Variants in UPF1 observed in about 807,000 individuals in gnomAD.
The protein encoded by UPF1 is UPF1 RNA helicase and ATPase, also known as regulator of nonsense transcripts 1.
A neutral mutation model predicts 129.2 loss-of-function variants in UPF1; 9 were observed. The observed-to-expected ratio is 0.07, with a 90% confidence interval of 0.04 to 0.12. The LOEUF (loss-of-function observed/expected upper bound fraction) is 0.12. Ranked by LOEUF, UPF1 falls within the 10% of genes least tolerant of loss-of-function variation. UPF1 has a pLI of 1.00. For synonymous variants in UPF1, 649 were observed against 644.9 expected (o/e 1.01, Z -0.10); for missense variants, 788 against 1,525.3 (o/e 0.52, Z 8.05).
chr19:18,850,120 C>A lies in UPF1; in HGVS notation c.507C>A (p.Thr169=), dbSNP rs2055642237. The A allele has an allele frequency of 6.2e-7, 1 of 1,614,096 alleles. No individual in the cohort carries two copies. The highest frequency in any genetic ancestry group is 1.3e-5 in the African/African-American group (1 of 74,928). ...TGAGGGCAAAATGCAAAGAGGTGAC[C>A]CTGCACAAGGACGGGCCCCTGGGGG... The part of the protein sequence containing the change: ...HLVRAKCKEV[T]LHKDGPLGET... Residue 169 remains threonine (T), a synonymous_variant, in exon 4 of 24, where the codon ACC becomes ACA. Transcript: ENST00000262803. This position sits in a 1 kb window ranked among gnomAD's most constrained non-coding sequence, Gnocchi z 7.1.
rs909268897 is a variant in UPF1, at chr19:18,831,997, G to C, written c.-213G>C. The C allele has an allele frequency of 6.3e-6, 2 of 318,198 alleles. No individual in the cohort carries two copies. The highest frequency in any genetic ancestry group is 2.2e-5 in the African/African-American group (1 of 45,440). The allele number at this position is 318,198 out of a possible 1,614,324, so 19.7% of individuals were successfully genotyped here. On this transcript the variant is annotated 5_prime_UTR_variant, in exon 1 of 24. Coordinates refer to ENST00000262803, the MANE Select transcript of UPF1 (RefSeq NM_002911.4). Reference sequence around the variant, plus strand: ...GGCTGCGAGCGGCTGGCGGCTTCGAGGGGAGCTGAGGCGCGGAGGGGCTCG... The same window carrying C: ...GGCTGCGAGCGGCTGGCGGCTTCGACGGGAGCTGAGGCGCGGAGGGGCTCG...
Position 18,854,639 on chromosome 19 carries a change from G to C in UPF1, c.1195G>C (p.Val399Leu). The change falls in exon 9 of 24, where the codon GTG (valine) becomes CTG (leucine). Residue 399 changes from valine (V) to leucine (L), a missense_variant. Around this residue, in one of 6 missense-constraint regions of UPF1, gnomAD observed 227 missense variants for 517.9 expected, o/e 0.44. Coordinates refer to ENST00000262803, the MANE Select transcript of UPF1 (RefSeq NM_002911.4). ...GATCGCCATTGAGCTGCGGAGCAGC[G>C]TGGGTGCACCTGTGGAGGTGACTCA... The part of the protein sequence containing the change: ...DEIAIELRSS[V>L]GAPVEVTHNF... 6.2e-7 allele frequency: 1 copy of C among 1,614,108 alleles called. No individual in the cohort carries two copies. Among genetic ancestry groups the C allele is most frequent in the Non-Finnish European group, 8.5e-7 (1 of 1,179,974 alleles).
Position 18,855,198 on chromosome 19 carries a change from G to C in UPF1, c.1500G>C (p.Val500=), listed in dbSNP as rs1411109952. ...GCCCGCCAGGCACGGGGAAGACGGT[G>C]ACGTCGGCCACCATCGTCTACCACC... The part of the protein sequence containing the change: ...IQGPPGTGKT[V]TSATIVYHLA... The change falls in exon 11 of 24, where the codon GTG becomes GTC. Residue 500 remains valine (V), a synonymous_variant. Transcript: ENST00000262803. 6.2e-7 allele frequency: 1 copy of C among 1,613,278 alleles called. No individual in the cohort carries two copies. Among genetic ancestry groups the C allele is most frequent in the Non-Finnish European group, 8.5e-7 (1 of 1,180,000 alleles).
rs2055838374 is a variant in UPF1 at position 18,865,897 on chromosome 19, G to A, written c.3237+119G>A. 3.8e-6 allele frequency: 6 copies of A among 1,572,980 alleles called. No individual in the cohort carries two copies. The highest frequency in any genetic ancestry group is 3.4e-5 in the South Asian group (3 of 88,506). On this transcript the variant is annotated intron_variant, in intron 22 of 23. Coordinates refer to ENST00000262803, the MANE Select transcript of UPF1 (RefSeq NM_002911.4). This position sits in a 1 kb window ranked among gnomAD's most constrained non-coding sequence, Gnocchi z 6.1. ...CCCATGTCCACTGTCTGAATTACCT[G>A]TCCCTGGGCTGGGGTCATCAGAGTG...
chr19:18,861,759 T>G (rs931085743), intron 17 of UPF1, among the ~76,000 whole-genome samples: 1 of 151,902 alleles, frequency 6.6e-6, no homozygotes, highest in East Asian at 1.9e-4. Flanking sequence ...GCCTGGGAGG[T>G]CAAGGCTGCA....
chr19:18,837,893 A>G (rs1161142889), intron 1 of UPF1, among the ~76,000 whole-genome samples: 1 of 152,230 alleles, frequency 6.6e-6, no homozygotes, highest in Non-Finnish European at 1.5e-5. Flanking sequence ...CGTAAGGGAC[A>G]ACTAGCTAAA....
chr19:18,852,364 A>G, intron 6 of UPF1, 68 bp downstream of exon 6: 7 of 1,578,240 alleles, frequency 4.4e-6, no homozygotes, highest in East Asian at 2.3e-5. Context: ...TCAGGCTTCC[A>G]GAGGGAGGTT....
intron 1 of UPF1, among the ~76,000 whole-genome samples, chr19:18,842,939 A>G (rs182977695): frequency 1.6e-3 from 242 of 152,034 alleles, no homozygotes; most frequent in African/African-American, 5.6e-3. Context: ...GTGAGCCGAG[A>G]TCGCGCCATT....
intron 13 of UPF1, 40 bp from the exon 14 acceptor site, chr19:18,856,837 T>C: frequency 6.3e-7 from 1 of 1,578,052 alleles, no homozygotes. Context: ...TGGTGGCGTT[T>C]ACAGTGCAGG....
chr19:18,856,418 C>T, intron 13 of UPF1, 118 bp downstream of exon 13: 3 of 970,782 alleles, frequency 3.1e-6, no homozygotes, highest in East Asian at 5.3e-5. Context: ...CTTAGATGCT[C>T]TCTACTTGGC....
chr19:18,866,833 C>G lies in UPF1; in HGVS notation c.*316C>G, dbSNP rs1463280857. ...GGAAGACCCTCATCTCAGAGTAGCCCTTTCCTCTGTTCTTTTATTTCTTTT... is the reference window on the plus strand; with the variant it reads ...GGAAGACCCTCATCTCAGAGTAGCCGTTTCCTCTGTTCTTTTATTTCTTTT... On this transcript the variant is annotated 3_prime_UTR_variant, in exon 24 of 24. Coordinates refer to ENST00000262803, the MANE Select transcript of UPF1 (RefSeq NM_002911.4). 1 of 152,610 alleles carries G rather than the reference C, an allele frequency of 6.6e-6. No individual in the cohort carries two copies. Among genetic ancestry groups the G allele is most frequent in the African/African-American group, 2.4e-5 (1 of 41,476 alleles). The allele number at this position is 152,610 out of a possible 1,614,324, so 9.5% of individuals were successfully genotyped here.
chr19:18,852,649 T>G (rs113566862), intron 6 of UPF1, among the ~76,000 whole-genome samples: 1,631 of 47,946 alleles, frequency 0.034, 28 homozygotes, highest in African/African-American at 0.1. Context: ...CTCCCTCCCC[T>G]CCTCTTTCTG....
At chr19:18,864,733 GTTTTT>G (rs10682791) in intron 20 of UPF1, among the ~76,000 whole-genome samples, 7 of 73,568 alleles carry the variant, frequency 9.5e-5, no homozygotes, top group Admixed American at 4.0e-4. Flanking sequence ...ATTTGCAGGT[GTTTTT>G]TTTTTTTTTT....
chr19:18,852,994 A>G lies in UPF1; in HGVS notation c.980A>G (p.Asp327Gly), dbSNP rs751798240. 8 of 1,613,932 alleles carry G rather than the reference A, an allele frequency of 5.0e-6. No homozygotes were observed. The highest frequency in any genetic ancestry group is 6.8e-6 in the Non-Finnish European group (8 of 1,179,910). The change falls in exon 7 of 24, where the codon GAT (aspartate) becomes GGT (glycine). Residue 327 changes from aspartate (D) to glycine (G), a missense_variant. By Grantham distance (94) the Asp-to-Gly change is moderately conservative. Transcript: ENST00000262803. The part of the protein sequence containing the change: ...DKKLKESQTQ[D>G]NITVRWDLGL... ...TGTTTTTCATGTGCTCAGACTCAAGATAACATCACTGTCAGGTGGGACCTG... is the reference window on the plus strand; with the variant it reads ...TGTTTTTCATGTGCTCAGACTCAAGGTAACATCACTGTCAGGTGGGACCTG...
chr19:18,865,068 A>G lies in UPF1; in HGVS notation c.2858-221A>G, dbSNP rs558995593. Among the ~76,000 whole-genome samples the G allele has an allele frequency of 3.6e-4, 55 of 152,324 alleles. 1 individual carries two copies. The South Asian group carries it at 0.011, about 29-fold the overall frequency. On this transcript the variant is annotated intron_variant, in intron 20 of 23. Coordinates refer to ENST00000262803, the MANE Select transcript of UPF1 (RefSeq NM_002911.4). This position sits in a 1 kb window ranked among gnomAD's most constrained non-coding sequence, Gnocchi z 6.1. ...CAGTTTTTAAGATCTGTGTAGGCCA[A>G]TGATTCCCAGCAGACTCTCCTCGGG... is the stretch of plus-strand genomic sequence containing the variant.
chr19:18,852,935 G>A, intron 6 of UPF1, 52 bp from the exon 7 acceptor site: 1 of 1,513,006 alleles, frequency 6.6e-7, no homozygotes, highest in Non-Finnish European at 9.1e-7. Context: ...TGGAGGCCAG[G>A]CCCGGGCCTG....
chr19:18,841,993 G>A lies in UPF1; in HGVS notation c.232-3987G>A, dbSNP rs114269772. Among the ~76,000 whole-genome samples the A allele has an allele frequency of 4.1e-3, 627 of 152,270 alleles. 7 individuals carry two copies. Among genetic ancestry groups the A allele is most frequent in the African/African-American group, 0.014 (598 of 41,548 alleles). On this transcript the variant is annotated intron_variant, in intron 1 of 23. Coordinates refer to ENST00000262803, the MANE Select transcript of UPF1 (RefSeq NM_002911.4). The stretch of plus-strand genomic sequence containing the variant: ...ACCTGTAGTCTCAGCTACTTGGGAC[G>A]CTGAGGCAAGAGGATCTCTTTTAAG...
At chr19:18,861,960 A>T (rs749667763) in intron 17 of UPF1, 50 bp from the exon 18 acceptor site, 8 of 1,602,132 alleles carry the variant, frequency 5.0e-6, no homozygotes, top group Non-Finnish European at 6.0e-6. Flanking sequence ...TTTTGGGGGG[A>T]CTGGGAAGGC....
At position 18,855,195 on chromosome 19, in the gene UPF1, G is replaced by T. The variant is rs1212862693; in HGVS notation, c.1497G>T (p.Thr499=). 1 of 1,613,204 alleles carries T rather than the reference G, an allele frequency of 6.2e-7. No homozygotes were observed. The highest frequency in any genetic ancestry group is 8.5e-7 in the Non-Finnish European group (1 of 1,179,972). ...AGGGCCCGCCAGGCACGGGGAAGAC[G>T]GTGACGTCGGCCACCATCGTCTACC... is the stretch of plus-strand genomic sequence containing the variant. The part of the protein sequence containing the change: ...LIQGPPGTGK[T]VTSATIVYHL... Residue 499 remains threonine (T), a synonymous_variant, in exon 11 of 24, where the codon ACG becomes ACT. Transcript: ENST00000262803.
Sources: gnomAD v4.1 joint callset for allele counts (sites outside exome capture counted in the v4.1 genomes callset) on GRCh38, gnomAD v4.1.1 for gene constraint, gnomAD v4.1.1 regional missense constraint, Gnocchi (gnomAD v3.1) non-coding constraint, MANE v1.5 for transcripts, NCBI Gene and HGNC (gene_info 2026-07-23, HGNC 2026-07-21) for gene names.